The following PGGT1B variants were observed in gnomAD, a reference collection of about 807,000 sequenced individuals.
PGGT1B encodes the protein geranylgeranyl transferase type-1 subunit beta.
PGGT1B carries 30 observed loss-of-function variants against 46.1 expected under a neutral mutation model. The ratio of observed to expected loss-of-function variants is 0.65; its 90% CI spans 0.49 to 0.88. The LOEUF is 0.88. Among genes scored for constraint, PGGT1B ranks in the 40% least tolerant of loss-of-function variants. The pLI, the probability that PGGT1B is intolerant of heterozygous loss-of-function variation, is 0.00. For missense variants in PGGT1B, 376 were observed against 455.9 expected (o/e 0.82, Z 1.60); for synonymous variants, 170 against 160.0 (o/e 1.06, Z -0.47).
At chr5:115,231,359 A>G (rs1363735800) in intron 5 of PGGT1B, among the ~76,000 whole-genome samples, 3 of 151,974 alleles carry the variant, frequency 2.0e-5, no homozygotes, top group Admixed American at 2.0e-4. Context: ...CTGGAGGAAA[A>G]TGTAAGGATT....
chr5:115,212,374 T>TGGCCCC lies in PGGT1B; in HGVS notation c.*27_*28insGGGGCC. On this transcript the variant is annotated 3_prime_UTR_variant, in exon 9 of 9. Coordinates refer to ENST00000419445, the MANE Select transcript of PGGT1B (RefSeq NM_005023.4). ...ACTTGAGCTACAGTTATGCTACAAA[T>TGGCCCC]CCCCCCACCCTCCCAATCTAAAATC... is the stretch of plus-strand genomic sequence containing the variant. The TGGCCCC allele has an allele frequency of 6.4e-7, 1 of 1,554,730 alleles. No individual in the cohort carries two copies.
chr5:115,222,031 G>A (rs535545598), intron 6 of PGGT1B, 23 bp from the exon 7 acceptor site: 28 of 1,430,296 alleles, frequency 2.0e-5, no homozygotes, highest in East Asian at 1.5e-4. Context: ...ACCACACAAC[G>A]TTTTAAACTT....
intron 7 of PGGT1B, among the ~76,000 whole-genome samples, chr5:115,217,815 G>C (rs1756467436): frequency 6.6e-6 from 1 of 151,860 alleles, no homozygotes; most frequent in African/African-American, 2.4e-5. Context: ...TAAGGAAAAA[G>C]ACTTTTTTGA....
At chr5:115,222,304 G>A (rs1394876168) in intron 6 of PGGT1B, among the ~76,000 whole-genome samples, 5 of 152,052 alleles carry the variant, frequency 3.3e-5, no homozygotes, top group South Asian at 2.1e-4. Flanking sequence ...ACTAAAGTCC[G>A]GGACTGCTAA....
rs758654310 is a variant in PGGT1B, at chr5:115,221,841, C to A, written c.826G>T (p.Val276Leu). Residue 276 changes from valine to leucine, a missense_variant, in exon 7 of 9, where the codon GTG (valine) becomes TTG (leucine). Transcript: ENST00000419445. The stretch of plus-strand genomic sequence containing the variant: ...TCTCTTACCTTCAGAGTTGCTCCCA[C>A]CCAAAAAGAATAACAGGTGTCTACA... ...KPVDTCYSFW[V>L]GATLKLLKIF... 1 of 1,587,416 alleles carries A rather than the reference C, an allele frequency of 6.3e-7. No individual in the cohort carries two copies. Among genetic ancestry groups the A allele is most frequent in the East Asian group, 2.3e-5 (1 of 44,136 alleles).
intron 5 of PGGT1B, among the ~76,000 whole-genome samples, chr5:115,236,093 T>C (rs947564905): frequency 2.6e-5 from 4 of 152,148 alleles, no homozygotes; most frequent in Admixed American, 2.0e-4. Context: ...CCTGCTAGAA[T>C]AGGCTGTCAA....
chr5:115,239,661 A>G (rs1426648813), intron 3 of PGGT1B, among the ~76,000 whole-genome samples: 1 of 152,210 alleles, frequency 6.6e-6, no homozygotes, highest in Non-Finnish European at 1.5e-5. Context: ...GGATAATAAT[A>G]ACATGGGTTT....
chr5:115,206,446 A>G lies in PGGT1B; in HGVS notation c.*5956T>C, dbSNP rs1371117155. ...ATTAAGCACCAGTAATCTCAATAGC[A>G]CTTACTTAAAAGTTCATTTTCTCAC... On this transcript the variant is annotated 3_prime_UTR_variant, in exon 9 of 9. Transcript: ENST00000419445. The G allele has an allele frequency of 2.0e-5, 3 of 152,070 alleles. No individual in the cohort carries two copies. Among genetic ancestry groups the G allele is most frequent in the African/African-American group, 7.2e-5 (3 of 41,450 alleles). 9.4% of individuals were successfully genotyped at this position (152,070 alleles called of 1,614,324 possible).
At position 115,207,366 on chromosome 5, in the gene PGGT1B, T is replaced by C. The variant is rs1471717723; in HGVS notation, c.*5036A>G. On this transcript the variant is annotated 3_prime_UTR_variant, in exon 9 of 9. Transcript: ENST00000419445. The stretch of plus-strand genomic sequence containing the variant: ...ACAGAACATTACCAGCACCGCAGAG[T>C]CTCCCTTGTACCCTCTTTCAGTCCT... The C allele has an allele frequency of 2.7e-5, 4 of 150,276 alleles. No homozygotes were observed. Among genetic ancestry groups the C allele is most frequent in the Admixed American group, 6.6e-5 (1 of 15,058 alleles). 9.3% of individuals were successfully genotyped at this position (150,276 alleles called of 1,614,324 possible). A position where few individuals can be genotyped will look rare whatever the true frequency, so the allele number is the denominator to read the frequency against.
chr5:115,218,729 T>G (rs1217167152), intron 7 of PGGT1B, among the ~76,000 whole-genome samples: 1 of 151,792 alleles, frequency 6.6e-6, no homozygotes, highest in South Asian at 2.1e-4. Context: ...AACCTCTTAA[T>G]GCCATAATTG....
At chr5:115,228,040 A>G (rs1756848663) in intron 6 of PGGT1B, among the ~76,000 whole-genome samples, 1 of 152,234 alleles carries the variant, frequency 6.6e-6, no homozygotes, top group South Asian at 2.1e-4. Flanking sequence ...CCAGGCCAAA[A>G]AAATTTTTTT....
chr5:115,206,651 T>G lies in PGGT1B; in HGVS notation c.*5751A>C, dbSNP rs1156297969. 6.6e-6 allele frequency: 1 copy of G among 151,850 alleles called. No homozygotes were observed. Among genetic ancestry groups the G allele is most frequent in the Non-Finnish European group, 1.5e-5 (1 of 67,778 alleles). 9.4% of individuals were successfully genotyped at this position (151,850 alleles called of 1,614,324 possible). ...GTTGCATAGTATTGAGTTACATAAA[T>G]GTATCATAATGTGTCTTATTTTTCA... On this transcript the variant is annotated 3_prime_UTR_variant, in exon 9 of 9. Transcript: ENST00000419445.
At chr5:115,227,228 A>C (rs1756817916) in intron 6 of PGGT1B, among the ~76,000 whole-genome samples, 1 of 152,180 alleles carries the variant, frequency 6.6e-6, no homozygotes, top group Non-Finnish European at 1.5e-5. Context: ...TAAGCAAGTG[A>C]CTTCTCTGAG....
chr5:115,206,117 T>C lies in PGGT1B; in HGVS notation c.*6285A>G, dbSNP rs1484463812. ...ATTTAGTACCTCAGATCTTTATGTA[T>C]AGTATACATACATATATCTATTTGT... On this transcript the variant is annotated 3_prime_UTR_variant, in exon 9 of 9. Coordinates refer to ENST00000419445, the MANE Select transcript of PGGT1B (RefSeq NM_005023.4). 1.3e-5 allele frequency: 2 copies of C among 151,970 alleles called. No homozygotes were observed. Among genetic ancestry groups the C allele is most frequent in the Admixed American group, 6.6e-5 (1 of 15,250 alleles). 9.4% of individuals were successfully genotyped at this position (151,970 alleles called of 1,614,324 possible). A position where few individuals can be genotyped will look rare whatever the true frequency, so the allele number is the denominator to read the frequency against.
intron 1 of PGGT1B, among the ~76,000 whole-genome samples, chr5:115,256,327 C>G (rs1422970473): frequency 6.6e-6 from 1 of 152,188 alleles, no homozygotes; most frequent in East Asian, 1.9e-4. Context: ...ATACTCTTAT[C>G]TGTATACGTT....
At position 115,209,662 on chromosome 5, in the gene PGGT1B, T is replaced by C. The variant is rs1580737053; in HGVS notation, c.*2740A>G. 2.0e-5 allele frequency: 3 copies of C among 152,154 alleles called. No individual in the cohort carries two copies. Among genetic ancestry groups the C allele is most frequent in the African/African-American group, 7.2e-5 (3 of 41,456 alleles). The allele number at this position is 152,154 out of a possible 1,614,324, so 9.4% of individuals were successfully genotyped here. On this transcript the variant is annotated 3_prime_UTR_variant, in exon 9 of 9. Transcript: ENST00000419445. Reference sequence around the variant, plus strand: ...ATGGGGAGATTAGAAAACAACACTGTTGTCATCATTTTCCCTGAGGTTAAA... The same window carrying C: ...ATGGGGAGATTAGAAAACAACACTGCTGTCATCATTTTCCCTGAGGTTAAA...
chr5:115,250,183 T>C (rs1466677601), intron 2 of PGGT1B, among the ~76,000 whole-genome samples: 2 of 152,206 alleles, frequency 1.3e-5, no homozygotes, highest in Non-Finnish European at 2.9e-5. Flanking sequence ...GTTTAACATT[T>C]CTAGATGTTA....
intron 6 of PGGT1B, among the ~76,000 whole-genome samples, chr5:115,223,887 T>C (rs189420983): frequency 1.3e-5 from 2 of 152,324 alleles, no homozygotes; most frequent in East Asian, 3.9e-4. Context: ...GTGATTTTTA[T>C]TAATTTCAGC....
chr5:115,247,693 T>C (rs1747914309), intron 2 of PGGT1B, among the ~76,000 whole-genome samples: 1 of 152,124 alleles, frequency 6.6e-6, no homozygotes, highest in African/African-American at 2.4e-5. Flanking sequence ...AAATTTTAAA[T>C]ATACCTATTT....
Sources: gnomAD v4.1 joint callset for allele counts (sites outside exome capture counted in the v4.1 genomes callset) on GRCh38, gnomAD v4.1.1 for gene constraint, MANE v1.5 for transcripts, NCBI Gene and HGNC (gene_info 2026-07-23, HGNC 2026-07-21) for gene names.